The following ITGBL1 variants were observed in gnomAD, a reference collection of about 807,000 sequenced individuals.
ITGBL1 encodes the protein integrin subunit beta like 1, also known as integrin beta-like protein 1.
A neutral mutation model predicts 68.5 loss-of-function variants in ITGBL1; 51 were observed. The ratio of observed to expected loss-of-function variants is 0.74; its 90% CI spans 0.59 to 0.94. ITGBL1 has a LOEUF of 0.94. ITGBL1 is among the 40% of genes least tolerant of loss of function. The pLI is 0.00. For missense variants in ITGBL1, 649 were observed against 647.4 expected (o/e 1.00, Z -0.03); for synonymous variants, 209 against 227.3 (o/e 0.92, Z 0.72).
chr13:101,584,920 T>TA (rs2050525967), intron 6 of ITGBL1, among the ~76,000 whole-genome samples: 2 of 151,810 alleles, frequency 1.3e-5, no homozygotes, highest in East Asian at 3.9e-4. Context: ...ATGTGGGTTT[T>TA]ATCCTAAAAA....
At chr13:101,588,907 A>C (rs1224683463) in intron 6 of ITGBL1, among the ~76,000 whole-genome samples, 2 of 152,190 alleles carry the variant, frequency 1.3e-5, no homozygotes, top group East Asian at 1.9e-4. Context: ...ATTTTGTTTT[A>C]TAATTTTCTG....
rs118132707 is a variant in ITGBL1, at chr13:101,479,022, C to T, written c.316+24922C>T. ...CCAAAGCCATCTTGAGCAAAAAGAA[C>T]AAAACTGGAGGCATCATATTACCTG... On this transcript the variant is annotated intron_variant, in intron 2 of 10. Coordinates refer to ENST00000376180, the MANE Select transcript of ITGBL1 (RefSeq NM_004791.3). 2.5e-3 allele frequency among the ~76,000 whole-genome samples: 376 copies of T among 152,096 alleles called. 1 individual carries two copies. The highest frequency in any genetic ancestry group is 4.0e-3 in the Non-Finnish European group (274 of 67,934).
At chr13:101,656,816 C>A (rs59287723) in intron 7 of ITGBL1, among the ~76,000 whole-genome samples, 2,639 of 152,154 alleles carry the variant, frequency 0.017, 79 homozygotes, top group African/African-American at 0.059. Context: ...GTTTTTGCAT[C>A]CTTCTTATTT....
chr13:101,658,913 A>G (rs1036416754), intron 7 of ITGBL1, among the ~76,000 whole-genome samples: 1 of 144,426 alleles, frequency 6.9e-6, no homozygotes, highest in Non-Finnish European at 1.6e-5. Flanking sequence ...ATATACATAT[A>G]TCAAACAAAC....
In ITGBL1 at chr13:101,516,762, A is replaced by G. The variant is rs556688771; in HGVS notation, c.317-50937A>G. On this transcript the variant is annotated intron_variant, in intron 2 of 10. Transcript: ENST00000376180. Reference sequence around the variant, plus strand: ...CTAAGTTTATACTGTCTAGGAATAAAAAATACCTGGAAATGTTTTAATTAG... The same window carrying G: ...CTAAGTTTATACTGTCTAGGAATAAGAAATACCTGGAAATGTTTTAATTAG... 2.0e-5 allele frequency among the ~76,000 whole-genome samples: 3 copies of G among 152,320 alleles called. No homozygotes were observed. The South Asian group carries it at 6.2e-4, about 32-fold the overall frequency.
At chr13:101,569,358 C>T (rs985963466) in intron 3 of ITGBL1, among the ~76,000 whole-genome samples, 1 of 151,988 alleles carries the variant, frequency 6.6e-6, no homozygotes, top group Non-Finnish European at 1.5e-5. Context: ...TGTAATTCAC[C>T]ACATTAACAT....
chr13:101,560,268 C>T (rs900088807), intron 2 of ITGBL1, among the ~76,000 whole-genome samples: 5 of 152,046 alleles, frequency 3.3e-5, no homozygotes, highest in Admixed American at 1.3e-4. Context: ...ATAAACTGAG[C>T]ATATTTGAAT....
intron 2 of ITGBL1, among the ~76,000 whole-genome samples, chr13:101,513,993 A>G (rs2049156604): frequency 6.6e-6 from 1 of 152,112 alleles, no homozygotes; most frequent in Non-Finnish European, 1.5e-5. Flanking sequence ...ATTTCATCAT[A>G]TAAAGTTAAT....
chr13:101,483,272 G>A (rs1337885927), intron 2 of ITGBL1, among the ~76,000 whole-genome samples: 1 of 152,146 alleles, frequency 6.6e-6, no homozygotes, highest in Non-Finnish European at 1.5e-5. Flanking sequence ...CAATCACAAT[G>A]CTGAGTGAAT....
At chr13:101,597,760 G>A (rs556483316) in intron 6 of ITGBL1, among the ~76,000 whole-genome samples, 10 of 151,986 alleles carry the variant, frequency 6.6e-5, no homozygotes, top group African/African-American at 2.2e-4. Context: ...CACCATGTTC[G>A]TCAGGCTGGT....
intron 2 of ITGBL1, among the ~76,000 whole-genome samples, chr13:101,459,205 C>T (rs887252714): frequency 6.6e-6 from 1 of 152,046 alleles, no homozygotes; most frequent in Non-Finnish European, 1.5e-5. Context: ...TTTCATTGGC[C>T]ACCACGTTTG....
rs534306618 is a variant in ITGBL1 at position 101,560,664 on chromosome 13, G to A, written c.317-7035G>A. Among the ~76,000 whole-genome samples, 13 of 152,256 alleles carry A rather than the reference G, an allele frequency of 8.5e-5. 1 individual carries two copies. In the South Asian group the frequency reaches 1.9e-3, roughly 22 times the overall value. On this transcript the variant is annotated intron_variant, in intron 2 of 10. Coordinates refer to ENST00000376180, the MANE Select transcript of ITGBL1 (RefSeq NM_004791.3). ...AATTTGCACTTACCTCAAAAGTTAT[G>A]CATTACATCCCTCTGTATGCTGTTT... is the stretch of plus-strand genomic sequence containing the variant.
At chr13:101,601,943 A>G (rs145977732) in intron 7 of ITGBL1, among the ~76,000 whole-genome samples, 83 of 152,186 alleles carry the variant, frequency 5.5e-4, no homozygotes, top group African/African-American at 1.4e-3. Flanking sequence ...ATGAGGGGCT[A>G]TTAGTCTTTT....
chr13:101,667,128 T>C (rs1204626624), intron 7 of ITGBL1, among the ~76,000 whole-genome samples: 1 of 152,208 alleles, frequency 6.6e-6, no homozygotes, highest in African/African-American at 2.4e-5. Flanking sequence ...ATTCAAAATT[T>C]ATGGTCCATT....
At chr13:101,598,411 T>C (rs964813063) in intron 7 of ITGBL1, 112 bp downstream of exon 7, 1 of 809,674 alleles carries the variant, frequency 1.2e-6, no homozygotes, top group Admixed American at 3.8e-5. Context: ...TGCTTTTTGG[T>C]TTTTTTGTTT....
At chr13:101,635,633 T>C (rs1403844233) in intron 7 of ITGBL1, among the ~76,000 whole-genome samples, 1 of 152,126 alleles carries the variant, frequency 6.6e-6, no homozygotes. Flanking sequence ...AGACAGAAGA[T>C]ACATTCTTAA....
chr13:101,628,580 GCACCAC>G (rs2031870134), intron 7 of ITGBL1, among the ~76,000 whole-genome samples: 1 of 147,642 alleles, frequency 6.8e-6, no homozygotes, highest in South Asian at 2.2e-4. Flanking sequence ...CTACAGGCGT[GCACCAC>G]CATACCCAGC....
chr13:101,662,552 T>G (rs1478020044), intron 7 of ITGBL1, among the ~76,000 whole-genome samples: 1 of 152,144 alleles, frequency 6.6e-6, no homozygotes, highest in Non-Finnish European at 1.5e-5. Flanking sequence ...ATACATTTGG[T>G]TGTTCTTACT....
intron 2 of ITGBL1, among the ~76,000 whole-genome samples, chr13:101,520,714 A>G (rs985800281): frequency 2.6e-5 from 4 of 152,210 alleles, no homozygotes; most frequent in Admixed American, 2.6e-4. Flanking sequence ...AAATGCTAGG[A>G]AAGAAAAGCA....
Sources: gnomAD v4.1 joint callset for allele counts (sites outside exome capture counted in the v4.1 genomes callset) on GRCh38, gnomAD v4.1.1 for gene constraint, MANE v1.5 for transcripts, NCBI Gene and HGNC (gene_info 2026-07-23, HGNC 2026-07-21) for gene names.